PIP4K2A: variants seen among roughly 807,000 people sequenced by gnomAD.
PIP4K2A encodes the protein phosphatidylinositol-5-phosphate 4-kinase type 2 alpha, also known as phosphatidylinositol 5-phosphate 4-kinase type-2 alpha.
Under a neutral mutation model 42.9 loss-of-function variants are expected in PIP4K2A, and 14 were observed. That is an observed-to-expected ratio of 0.33 (90% CI 0.22 to 0.51). PIP4K2A has a LOEUF of 0.51. Among genes scored for constraint, PIP4K2A ranks in the 20% least tolerant of loss-of-function variants. The pLI, the probability that PIP4K2A is intolerant of heterozygous loss-of-function variation, is 0.97. For missense variants in PIP4K2A, 434 were observed against 519.8 expected, an observed-to-expected ratio of 0.83 and a Z score of 1.61; for synonymous variants, 192 against 192.2, an observed-to-expected ratio of 1.00 and a Z score of 0.01.
At chr10:22,554,984 T>C (rs972342020) in intron 6 of PIP4K2A, among the ~76,000 whole-genome samples, 1 of 152,128 alleles carries the variant, frequency 6.6e-6, no homozygotes, top group African/African-American at 2.4e-5. Context: ...CTGCGGTGGG[T>C]TGGATTCCAA....
In PIP4K2A at chr10:22,714,419, C is replaced by A. The variant is rs1223271247; in HGVS notation, c.-93G>T. 1 of 894,174 alleles carries A rather than the reference C, an allele frequency of 1.1e-6. No homozygotes were observed. The highest frequency in any genetic ancestry group is 1.4e-6 in the Non-Finnish European group (1 of 724,112). The allele number at this position is 894,174 out of a possible 1,614,324, so 55.4% of individuals were successfully genotyped here. A position where few individuals can be genotyped will look rare whatever the true frequency, so the allele number is the denominator to read the frequency against. ...GCCCGGGGAGGCAGCCGCATCCCCCCGGCGGCGGCCCCGGCGCGCCGCGCT... is the reference window on the plus strand; with the variant it reads ...GCCCGGGGAGGCAGCCGCATCCCCCAGGCGGCGGCCCCGGCGCGCCGCGCT... On this transcript the variant is annotated 5_prime_UTR_variant, in exon 1 of 10. Coordinates refer to ENST00000376573, the MANE Select transcript of PIP4K2A (RefSeq NM_005028.5).
intron 1 of PIP4K2A, among the ~76,000 whole-genome samples, chr10:22,689,378 T>C (rs1168207396): frequency 2.6e-5 from 4 of 152,218 alleles, no homozygotes; most frequent in Non-Finnish European, 5.9e-5. Flanking sequence ...CTCCATATTT[T>C]CAGGTTCCGC....
At chr10:22,660,590 C>T (rs1377430553) in intron 1 of PIP4K2A, among the ~76,000 whole-genome samples, 1 of 152,052 alleles carries the variant, frequency 6.6e-6, no homozygotes, top group Non-Finnish European at 1.5e-5. Context: ...TCACAGGATC[C>T]CGTTAAACAA....
At position 22,554,456 on chromosome 10, in the gene PIP4K2A, G is replaced by A. The variant is rs1021446119; in HGVS notation, c.679-3684C>T. On this transcript the variant is annotated intron_variant, in intron 6 of 9. Transcript: ENST00000376573. ...TGCTTTTAAACACTGGATTATTTGC[G>A]CTTAGAGTTTTCCAAGCTTGTAGTC... 5.3e-5 allele frequency among the ~76,000 whole-genome samples: 8 copies of A among 152,288 alleles called. No individual in the cohort carries two copies. The East Asian group carries it at 1.4e-3, about 26-fold the overall frequency.
chr10:22,688,670 C>A (rs1023008750), intron 1 of PIP4K2A, among the ~76,000 whole-genome samples: 3 of 152,088 alleles, frequency 2.0e-5, no homozygotes, highest in African/African-American at 7.2e-5. Flanking sequence ...CTAGGCTGGT[C>A]TTGAACTCCT....
chr10:22,574,221 G>C (rs553245282), intron 4 of PIP4K2A, among the ~76,000 whole-genome samples: 32 of 152,266 alleles, frequency 2.1e-4, no homozygotes, highest in African/African-American at 7.0e-4. Context: ...CTTCCCAAAG[G>C]AAGCTTAGGT....
chr10:22,628,316 A>C (rs1483204943), intron 1 of PIP4K2A, among the ~76,000 whole-genome samples: 1 of 152,228 alleles, frequency 6.6e-6, no homozygotes, highest in African/African-American at 2.4e-5. Flanking sequence ...ACAGCATCTC[A>C]AACTTATAAA....
intron 6 of PIP4K2A, among the ~76,000 whole-genome samples, chr10:22,562,955 G>C (rs558774786): frequency 1.7e-4 from 26 of 152,274 alleles, no homozygotes; most frequent in African/African-American, 6.0e-4. Flanking sequence ...CGGTGACGGT[G>C]GGTGGGAGCC....
At chr10:22,616,124 C>T (rs978946671) in intron 1 of PIP4K2A, among the ~76,000 whole-genome samples, 11 of 151,996 alleles carry the variant, frequency 7.2e-5, no homozygotes, top group African/African-American at 2.7e-4. Flanking sequence ...TCAAACGGGG[C>T]GGAGAGGGCT....
intron 1 of PIP4K2A, among the ~76,000 whole-genome samples, chr10:22,666,608 C>CAG (rs1487242215): frequency 6.6e-6 from 1 of 152,214 alleles, no homozygotes; most frequent in East Asian, 1.9e-4. Context: ...CAACATCCTG[C>CAG]AGCTGGCTTA....
chr10:22,678,911 T>G (rs541491800), intron 1 of PIP4K2A, among the ~76,000 whole-genome samples: 3 of 152,236 alleles, frequency 2.0e-5, no homozygotes, highest in Admixed American at 6.5e-5. Flanking sequence ...GTGTTCCCTA[T>G]GTATTGTCCT....
chr10:22,598,763 T>C (rs992698339), intron 3 of PIP4K2A, among the ~76,000 whole-genome samples: 4 of 152,242 alleles, frequency 2.6e-5, no homozygotes, highest in Admixed American at 6.5e-5. Context: ...TAATGGTCTC[T>C]AAGCTTCCTG....
chr10:22,569,086 C>T, intron 5 of PIP4K2A: 1 of 1,498,786 alleles, frequency 6.7e-7, no homozygotes, highest in Non-Finnish European at 9.0e-7. Context: ...TGATTACTGG[C>T]TTTCATCGAG....
intron 7 of PIP4K2A, among the ~76,000 whole-genome samples, chr10:22,545,285 G>A (rs549132590): frequency 7.9e-5 from 12 of 152,340 alleles, no homozygotes; most frequent in Middle Eastern, 3.4e-3. Flanking sequence ...CAAAGGAAGC[G>A]CAAGGTGACC....
intron 1 of PIP4K2A, among the ~76,000 whole-genome samples, chr10:22,667,833 C>T (rs533819157): frequency 2.7e-5 from 4 of 148,506 alleles, no homozygotes; most frequent in African/African-American, 5.0e-5. Flanking sequence ...GGACTCTTAG[C>T]CACAGAAAAT....
At chr10:22,643,679 C>A (rs1340469677) in intron 1 of PIP4K2A, among the ~76,000 whole-genome samples, 1 of 152,126 alleles carries the variant, frequency 6.6e-6, no homozygotes, top group Non-Finnish European at 1.5e-5. Context: ...TTCATGCCAG[C>A]CAAATTCTGA....
chr10:22,576,504 A>T (rs1837125297), intron 4 of PIP4K2A, among the ~76,000 whole-genome samples: 3 of 152,134 alleles, frequency 2.0e-5, no homozygotes, highest in South Asian at 4.1e-4. Flanking sequence ...CTACAGCTTT[A>T]GCCGGGGTCT....
At chr10:22,646,900 T>C (rs558492435) in intron 1 of PIP4K2A, among the ~76,000 whole-genome samples, 2 of 152,220 alleles carry the variant, frequency 1.3e-5, no homozygotes, top group East Asian at 1.9e-4. Context: ...TAATGCTTCC[T>C]TCAGCAAAAA....
chr10:22,572,604 C>T (rs1437049356), intron 5 of PIP4K2A, among the ~76,000 whole-genome samples: 1 of 145,394 alleles, frequency 6.9e-6, no homozygotes, highest in Non-Finnish European at 1.5e-5. Context: ...GACTCTTTCT[C>T]AAAAAAAAAA....
Sources: gnomAD v4.1 joint callset for allele counts (sites outside exome capture counted in the v4.1 genomes callset) on GRCh38, gnomAD v4.1.1 for gene constraint, MANE v1.5 for transcripts, NCBI Gene and HGNC (gene_info 2026-07-23, HGNC 2026-07-21) for gene names.